The following STT3B variants were observed in gnomAD, a reference collection of about 807,000 sequenced individuals.
STT3B encodes the protein dolichyl-diphosphooligosaccharide--protein glycosyltransferase subunit STT3B.
A neutral mutation model predicts 96.8 loss-of-function variants in STT3B; 29 were observed. The observed-to-expected ratio is 0.30, with a 90% CI of 0.22 to 0.41. STT3B has a LOEUF of 0.41. Ranked by LOEUF, STT3B falls within the 10% of genes least tolerant of loss-of-function variation. The pLI is 1.00. For missense variants in STT3B, 640 were observed against 1,022.3 expected (o/e 0.63, Z 5.10); for synonymous variants, 367 against 360.0 (o/e 1.02, Z -0.22).
At chr3:31,621,140 A>G (rs1484064542) in intron 9 of STT3B, among the ~76,000 whole-genome samples, 1 of 152,250 alleles carries the variant, frequency 6.6e-6, no homozygotes. Context: ...GTATATCTGT[A>G]GTGGAATACA....
chr3:31,618,699 G>C (rs1055339957), intron 8 of STT3B, among the ~76,000 whole-genome samples: 1 of 151,822 alleles, frequency 6.6e-6, no homozygotes, highest in Non-Finnish European at 1.5e-5. Flanking sequence ...TTGTGTCCAG[G>C]TCTAATTAAA....
chr3:31,587,024 A>T (rs1698554439), intron 3 of STT3B, among the ~76,000 whole-genome samples: 1 of 151,832 alleles, frequency 6.6e-6, no homozygotes, highest in African/African-American at 2.4e-5. Flanking sequence ...ATTTATTTAG[A>T]TCTTCTTCAT....
intron 1 of STT3B, among the ~76,000 whole-genome samples, chr3:31,547,050 AC>A (rs1697430940): frequency 6.6e-6 from 1 of 152,202 alleles, no homozygotes; most frequent in South Asian, 2.1e-4. Flanking sequence ...GGAAGAATTT[AC>A]AAGTATTTTT....
chr3:31,537,386 A>C (rs1697128006), intron 1 of STT3B, among the ~76,000 whole-genome samples: 2 of 152,222 alleles, frequency 1.3e-5, no homozygotes, highest in African/African-American at 4.8e-5. Flanking sequence ...CCAAATCTTA[A>C]AAAGTCACTT....
At position 31,597,129 on chromosome 3, in the gene STT3B, A is replaced by AT. The variant is rs201901095; in HGVS notation, c.777+274dup. Among the ~76,000 whole-genome samples, 804 of 151,952 alleles carry AT rather than the reference A, an allele frequency of 5.3e-3. 10 individuals are homozygous for AT. The highest frequency in any genetic ancestry group is 0.018 in the African/African-American group (732 of 41,472). On this transcript the variant is annotated intron_variant, in intron 4 of 15. Transcript: ENST00000295770. ...AAAATACTTAAATGTTTTATTAAGA[A>AT]TTTTTTTTAATTTTTTAAGATTATA...
intron 8 of STT3B, 147 bp from the exon 9 acceptor site, chr3:31,619,529 G>A: frequency 1.5e-6 from 1 of 651,490 alleles, no homozygotes; most frequent in Non-Finnish European, 2.6e-6. Flanking sequence ...AAACTATCCA[G>A]TATAACTGGT....
Position 31,588,240 on chromosome 3 carries a change from G to T in STT3B, c.711+8144G>T, listed in dbSNP as rs183064383. Among the ~76,000 whole-genome samples, 993 of 152,084 alleles carry T rather than the reference G, an allele frequency of 6.5e-3. 7 individuals carry two copies. Among genetic ancestry groups the T allele is most frequent in the African/African-American group, 0.023 (946 of 41,506 alleles). On this transcript the variant is annotated intron_variant, in intron 3 of 15. Transcript: ENST00000295770. The stretch of plus-strand genomic sequence containing the variant: ...GACTCTGTTTAATAAGATAGTCACT[G>T]GCCGCATGTATATGGACTTTTTTTT...
At chr3:31,562,151 T>A (rs1421663081) in intron 1 of STT3B, among the ~76,000 whole-genome samples, 1 of 152,042 alleles carries the variant, frequency 6.6e-6, no homozygotes, top group Non-Finnish European at 1.5e-5. Flanking sequence ...ATTCCAGTGG[T>A]GGGTCATGCA....
At chr3:31,567,404 G>A (rs1698031898) in intron 1 of STT3B, among the ~76,000 whole-genome samples, 1 of 151,988 alleles carries the variant, frequency 6.6e-6, no homozygotes, top group Non-Finnish European at 1.5e-5. Flanking sequence ...ATTTGCAAAG[G>A]TTAAACTAAA....
intron 14 of STT3B, among the ~76,000 whole-genome samples, chr3:31,630,521 A>G (rs566047152): frequency 3.3e-5 from 5 of 152,342 alleles, no homozygotes; most frequent in African/African-American, 9.6e-5. Flanking sequence ...TTTCTCCTGC[A>G]TAATGTGCGC....
At chr3:31,587,965 T>C (rs182757672) in intron 3 of STT3B, among the ~76,000 whole-genome samples, 1 of 152,280 alleles carries the variant, frequency 6.6e-6, no homozygotes, top group Admixed American at 6.5e-5. Context: ...ATGTCTGGTT[T>C]CCTTAGCTGT....
At position 31,629,444 on chromosome 3, in the gene STT3B, T is replaced by G. The variant is rs750441736; in HGVS notation, c.2187+33T>G. ...AAATCCATTTTTCTCTAATTTTCAT[T>G]CAAAATAATGTTTAAAACAAGTCTT... On this transcript the variant is annotated intron_variant, in intron 14 of 15. Transcript: ENST00000295770. 1.2e-5 allele frequency: 14 copies of G among 1,212,352 alleles called. No homozygotes were observed. The Admixed American group carries it at 2.7e-4, about 24-fold the overall frequency. The allele number at this position is 1,212,352 out of a possible 1,614,324, so 75.1% of individuals were successfully genotyped here.
intron 1 of STT3B, among the ~76,000 whole-genome samples, chr3:31,562,873 G>A (rs1373506285): frequency 6.6e-6 from 1 of 152,166 alleles, no homozygotes; most frequent in East Asian, 1.9e-4. Context: ...CGAGTGATTC[G>A]TGGGATCCAG....
intron 11 of STT3B, 40 bp downstream of exon 11, chr3:31,623,901 C>G (rs772525765): frequency 6.9e-7 from 1 of 1,457,022 alleles, no homozygotes; most frequent in African/African-American, 1.4e-5. Flanking sequence ...TTTATACTTA[C>G]ACTTCTTTTT....
intron 4 of STT3B, among the ~76,000 whole-genome samples, chr3:31,599,071 A>G (rs886554686): frequency 6.6e-6 from 1 of 152,234 alleles, no homozygotes; most frequent in East Asian, 1.9e-4. Flanking sequence ...GGCCTCCCAA[A>G]GTGCTGGGAT....
At chr3:31,593,922 C>T (rs1698727456) in intron 3 of STT3B, among the ~76,000 whole-genome samples, 2 of 152,126 alleles carry the variant, frequency 1.3e-5, no homozygotes, top group Non-Finnish European at 2.9e-5. Flanking sequence ...TGTCCCCTTC[C>T]CCAGCCTATA....
intron 10 of STT3B, 94 bp from the exon 11 acceptor site, chr3:31,623,580 A>G (rs1670918115): frequency 1.1e-6 from 1 of 892,974 alleles, no homozygotes; most frequent in Admixed American, 2.7e-5. Context: ...AATTAAATTG[A>G]TAGATAAACA....
At chr3:31,555,246 T>C (rs1363501412) in intron 1 of STT3B, among the ~76,000 whole-genome samples, 1 of 152,188 alleles carries the variant, frequency 6.6e-6, no homozygotes, top group East Asian at 1.9e-4. Flanking sequence ...TCCTGTCACC[T>C]GCTCACTTAC....
chr3:31,632,903 G>A, intron 14 of STT3B, 32 bp from the exon 15 acceptor site: 2 of 1,591,284 alleles, frequency 1.3e-6, no homozygotes, highest in East Asian at 2.2e-5. Context: ...TTCCAATATG[G>A]TTAACACCCA....
Sources: allele counts gnomAD v4.1 joint callset (sites outside exome capture counted in the v4.1 genomes callset), GRCh38; gene constraint gnomAD v4.1.1; transcripts MANE v1.5; gene names NCBI Gene and HGNC (gene_info 2026-07-23, HGNC 2026-07-21).